The following MECOM variants were observed in gnomAD, a reference collection of about 807,000 sequenced individuals.
MECOM encodes MDS1 and EVI1 complex locus, also known as histone-lysine N-methyltransferase MECOM.
A neutral mutation model predicts 116.3 loss-of-function variants in MECOM; 13 were observed. The observed-to-expected ratio is 0.11, with a 90% confidence interval of 0.07 to 0.18. The LOEUF is 0.18. Among genes scored for constraint, MECOM ranks in the 10% least tolerant of loss-of-function variants. MECOM has a pLI of 1.00. For synonymous variants in MECOM, 528 were observed against 535.2 expected, an observed-to-expected ratio of 0.99 and a Z score of 0.19; for missense variants, 1,299 against 1,509.0, an observed-to-expected ratio of 0.86 and a Z score of 2.31.
intron 2 of MECOM, among the ~76,000 whole-genome samples, chr3:169,317,505 G>A (rs992277973): frequency 1.3e-5 from 2 of 152,204 alleles, no homozygotes; most frequent in African/African-American, 4.8e-5. Context: ...GCTCAGAGAT[G>A]TAAGGTCATT....
chr3:169,101,320 G>A (rs571666157), intron 11 of MECOM, among the ~76,000 whole-genome samples: 2 of 152,212 alleles, frequency 1.3e-5, no homozygotes, highest in Non-Finnish European at 2.9e-5. Context: ...CTGATTCTGG[G>A]TTGATGTAAA....
At chr3:169,347,408 T>A (rs1055229898) in intron 2 of MECOM, among the ~76,000 whole-genome samples, 1 of 152,026 alleles carries the variant, frequency 6.6e-6, no homozygotes, top group Non-Finnish European at 1.5e-5. Context: ...ACACACAATG[T>A]CTGTGTGTGT....
chr3:169,624,152 C>A (rs1392470518), intron 1 of MECOM, among the ~76,000 whole-genome samples: 1 of 152,182 alleles, frequency 6.6e-6, no homozygotes, highest in Non-Finnish European at 1.5e-5. Flanking sequence ...GGCGCAGGGG[C>A]CTAGCATACC....
At chr3:169,138,946 T>C (rs950789602) in intron 3 of MECOM, among the ~76,000 whole-genome samples, 1 of 152,086 alleles carries the variant, frequency 6.6e-6, no homozygotes, top group Non-Finnish European at 1.5e-5. Flanking sequence ...GATATAATCA[T>C]TCACGTGGAC....
rs145366237 is a variant in MECOM at position 169,645,527 on chromosome 3, G to A, written c.37+17809C>T. Among the ~76,000 whole-genome samples the A allele has an allele frequency of 7.1e-3, 1,087 of 152,194 alleles. 13 individuals are homozygous for A. The highest frequency in any genetic ancestry group is 0.024 in the African/African-American group (1,015 of 41,520). On this transcript the variant is annotated intron_variant, in intron 1 of 16. Coordinates refer to ENST00000651503, the MANE Select transcript of MECOM (RefSeq NM_004991.4). Reference sequence around the variant, plus strand: ...GAAACATTATTGTCTCCTTAGAAATGGCCACCAGATCAAAATGGTCAAAAA... The same window carrying A: ...GAAACATTATTGTCTCCTTAGAAATAGCCACCAGATCAAAATGGTCAAAAA...
chr3:169,635,050 C>A (rs1772561165), intron 1 of MECOM, among the ~76,000 whole-genome samples: 1 of 152,064 alleles, frequency 6.6e-6, no homozygotes, highest in Non-Finnish European at 1.5e-5. Context: ...ACAGAGGGCA[C>A]AGAAGAGGCT....
intron 13 of MECOM, 147 bp from the exon 14 acceptor site, chr3:169,093,249 T>C: frequency 1.2e-6 from 1 of 828,898 alleles, no homozygotes; most frequent in Non-Finnish European, 1.8e-6. Context: ...AAAGTCAAAG[T>C]CTCCCCAGTT....
At chr3:169,253,391 C>CTTTT (rs11434116) in intron 2 of MECOM, among the ~76,000 whole-genome samples, 1 of 144,736 alleles carries the variant, frequency 6.9e-6, no homozygotes, top group Non-Finnish European at 1.5e-5. Flanking sequence ...CTGTTTAGTT[C>CTTTT]TTTTTTTTTT....
rs1560197972 is a variant in MECOM at position 169,378,513 on chromosome 3, G to GC, written c.375+2673_375+2674insG. ...AGAAAGAAAGAAAGAAAGAAAGAAA[G>GC]AAAAGAAAGAAAGAAAGAAAGAAAG... On this transcript the variant is annotated intron_variant, in intron 2 of 16. Transcript: ENST00000651503. 9.7e-4 allele frequency among the ~76,000 whole-genome samples: 29 copies of GC among 29,848 alleles called. 3 individuals are homozygous for GC. The highest frequency in any genetic ancestry group is 5.6e-3 in the East Asian group (6 of 1,080). The allele number at this position is 29,848 out of a possible 152,430, so 19.6% of individuals were successfully genotyped here.
intron 1 of MECOM, among the ~76,000 whole-genome samples, chr3:169,433,606 G>C (rs1325544371): frequency 6.8e-6 from 1 of 146,962 alleles, no homozygotes; most frequent in Admixed American, 6.8e-5. Flanking sequence ...GGGAAGGAGG[G>C]AGGGAGGGAA....
chr3:169,213,135 T>C (rs1047554495), intron 2 of MECOM, among the ~76,000 whole-genome samples: 1 of 152,092 alleles, frequency 6.6e-6, no homozygotes, highest in Non-Finnish European at 1.5e-5. Context: ...TGACAGAATA[T>C]CAATTTTCAT....
At chr3:169,325,282 G>C (rs565288029) in intron 2 of MECOM, among the ~76,000 whole-genome samples, 98 of 152,138 alleles carry the variant, frequency 6.4e-4, no homozygotes, top group Non-Finnish European at 9.8e-4. Context: ...GGCTTTGGCT[G>C]GTGGGTTACT....
intron 2 of MECOM, among the ~76,000 whole-genome samples, chr3:169,180,035 T>G (rs1318563090): frequency 2.0e-5 from 3 of 152,214 alleles, no homozygotes; most frequent in Non-Finnish European, 4.4e-5. Context: ...AAGACAATTT[T>G]CAGCCAATTT....
intron 16 of MECOM, among the ~76,000 whole-genome samples, chr3:169,088,675 G>A (rs1324110411): frequency 6.6e-6 from 1 of 152,054 alleles, no homozygotes; most frequent in Non-Finnish European, 1.5e-5. Flanking sequence ...ATGACTCTGA[G>A]GTAATACATA....
chr3:169,126,562 G>A (rs1212067133), intron 5 of MECOM, among the ~76,000 whole-genome samples: 1 of 151,952 alleles, frequency 6.6e-6, no homozygotes, highest in Non-Finnish European at 1.5e-5. Flanking sequence ...TTTATATGAA[G>A]TGGCAGAGGT....
At chr3:169,543,473 G>A (rs1255405355) in intron 1 of MECOM, among the ~76,000 whole-genome samples, 1 of 152,104 alleles carries the variant, frequency 6.6e-6, no homozygotes, top group Non-Finnish European at 1.5e-5. Context: ...TACTTGGGAG[G>A]CTGAAACCCA....
Position 169,187,179 on chromosome 3 carries a change from A to T in MECOM, c.376-43347T>A, listed in dbSNP as rs79573992. On this transcript the variant is annotated intron_variant, in intron 2 of 16. Coordinates refer to ENST00000651503, the MANE Select transcript of MECOM (RefSeq NM_004991.4). ...CTGGAAAATCATGGTAGAAGTTTCA[A>T]ATTCAAGAGGGTGCCTTTCTCACCC... is the stretch of plus-strand genomic sequence containing the variant. 3.3e-3 allele frequency among the ~76,000 whole-genome samples: 499 copies of T among 152,244 alleles called. 4 individuals carry two copies. The highest frequency in any genetic ancestry group is 0.011 in the African/African-American group (469 of 41,574).
chr3:169,643,928 A>G (rs981630501), intron 1 of MECOM, among the ~76,000 whole-genome samples: 1 of 152,212 alleles, frequency 6.6e-6, no homozygotes, highest in African/African-American at 2.4e-5. Context: ...TGATAGCAAC[A>G]AATGTATGCA....
At chr3:169,141,399 T>C (rs913990951) in intron 3 of MECOM, among the ~76,000 whole-genome samples, 4 of 152,062 alleles carry the variant, frequency 2.6e-5, no homozygotes, top group African/African-American at 9.7e-5. Flanking sequence ...TACCAGGGTC[T>C]CTCTCTATAG....
Sources: gnomAD v4.1 joint callset for allele counts (sites outside exome capture counted in the v4.1 genomes callset) on GRCh38, gnomAD v4.1.1 for gene constraint, MANE v1.5 for transcripts, NCBI Gene and HGNC (gene_info 2026-07-23, HGNC 2026-07-21) for gene names.